The following RBFOX1 variants were observed in gnomAD, a reference collection of about 807,000 sequenced individuals.
RBFOX1 encodes the protein RNA binding fox-1 homolog 1.
A neutral mutation model predicts 57.7 loss-of-function variants in RBFOX1; 8 were observed. That is an observed-to-expected ratio of 0.14 (90% CI 0.08 to 0.25). RBFOX1 has a LOEUF of 0.25. RBFOX1 is among the 10% of genes least tolerant of loss of function. The pLI is 1.00. For missense variants in RBFOX1, 611 were observed against 548.5 expected, an observed-to-expected ratio of 1.11 and a Z score of -1.14; for synonymous variants, 326 against 222.4, an observed-to-expected ratio of 1.47 and a Z score of -4.15.
At chr16:5,936,928 T>C (rs2059179711) in intron 4 of RBFOX1, among the ~76,000 whole-genome samples, 1 of 152,182 alleles carries the variant, frequency 6.6e-6, no homozygotes, top group African/African-American at 2.4e-5. Context: ...CTCAAGGGAC[T>C]GTAGAGCACT....
chr16:7,286,051 C>T (rs1207342024), intron 4 of RBFOX1, among the ~76,000 whole-genome samples: 1 of 152,138 alleles, frequency 6.6e-6, no homozygotes, highest in South Asian at 2.1e-4. Context: ...ATACTGGGAA[C>T]ACTGTACAAT....
intron 1 of RBFOX1, among the ~76,000 whole-genome samples, chr16:5,423,263 G>C (rs917551569): frequency 1.3e-5 from 2 of 152,038 alleles, no homozygotes; most frequent in Non-Finnish European, 2.9e-5. Flanking sequence ...TCACTATCAG[G>C]AAAGTGACAT....
At chr16:5,753,933 C>A (rs1010937706) in intron 3 of RBFOX1, among the ~76,000 whole-genome samples, 1 of 152,042 alleles carries the variant, frequency 6.6e-6, no homozygotes, top group Non-Finnish European at 1.5e-5. Flanking sequence ...GTGTCCATCC[C>A]CCACTCCTCT....
chr16:6,843,469 A>G (rs1203874905), intron 3 of RBFOX1, among the ~76,000 whole-genome samples: 1 of 152,098 alleles, frequency 6.6e-6, no homozygotes, highest in Non-Finnish European at 1.5e-5. Flanking sequence ...CGGGCAGATC[A>G]CGAGGTCAGG....
intron 1 of RBFOX1, among the ~76,000 whole-genome samples, chr16:6,025,443 A>G (rs1039441733): frequency 5.9e-5 from 9 of 152,218 alleles, no homozygotes; most frequent in East Asian, 1.9e-4. Context: ...ATCTGTATAC[A>G]TTAGCCTACT....
intron 2 of RBFOX1, among the ~76,000 whole-genome samples, chr16:6,366,186 C>T (rs370571272): frequency 1.8e-4 from 27 of 150,774 alleles, no homozygotes; most frequent in East Asian, 7.8e-4. Flanking sequence ...AACATATGTA[C>T]GTATAAATAA....
chr16:5,748,350 T>A (rs2053065081), intron 3 of RBFOX1, among the ~76,000 whole-genome samples: 2 of 152,078 alleles, frequency 1.3e-5, no homozygotes, highest in Admixed American at 1.3e-4. Context: ...ATGTATATTC[T>A]GTTGATTTGG....
At chr16:5,423,283 C>T (rs895084578) in intron 1 of RBFOX1, among the ~76,000 whole-genome samples, 16 of 152,108 alleles carry the variant, frequency 1.1e-4, no homozygotes, top group South Asian at 4.1e-4. Flanking sequence ...TTGGTGCCAT[C>T]TGTTCACTAA....
intron 4 of RBFOX1, among the ~76,000 whole-genome samples, chr16:7,212,692 C>A (rs7200795): frequency 0.34 from 51,052 of 151,940 alleles, 8,911 homozygotes; most frequent in African/African-American, 0.42. Flanking sequence ...GAATAACTTA[C>A]GCTACATGAG....
chr16:6,689,962 G>C (rs1037492545), intron 3 of RBFOX1, among the ~76,000 whole-genome samples: 4 of 152,206 alleles, frequency 2.6e-5, no homozygotes, highest in Admixed American at 6.5e-5. Context: ...CTGTTCCCCA[G>C]AGTATAAGGG....
chr16:7,502,954 C>G (rs1057491838), intron 4 of RBFOX1, among the ~76,000 whole-genome samples: 5 of 152,116 alleles, frequency 3.3e-5, no homozygotes, highest in African/African-American at 1.2e-4. Context: ...ATCTGGGACA[C>G]TGAGGTTGCA....
chr16:5,827,089 A>T (rs932035397), intron 3 of RBFOX1, among the ~76,000 whole-genome samples: 1 of 152,144 alleles, frequency 6.6e-6, no homozygotes, highest in Non-Finnish European at 1.5e-5. Context: ...TCTTTCACAC[A>T]TGAGACCCTC....
intron 3 of RBFOX1, among the ~76,000 whole-genome samples, chr16:6,776,570 G>T (rs903150182): frequency 6.6e-6 from 1 of 150,886 alleles, no homozygotes; most frequent in Non-Finnish European, 1.5e-5. Context: ...GGTTGACACT[G>T]TTTGTTGGAT....
intron 4 of RBFOX1, among the ~76,000 whole-genome samples, chr16:5,991,838 G>T (rs1462962088): frequency 1.3e-5 from 2 of 151,914 alleles, no homozygotes; most frequent in Non-Finnish European, 2.9e-5. Flanking sequence ...CTGGTTGCAG[G>T]GCTGGGAAAT....
At chr16:6,758,164 G>A (rs1041560254) in intron 3 of RBFOX1, among the ~76,000 whole-genome samples, 23 of 152,042 alleles carry the variant, frequency 1.5e-4, no homozygotes, top group African/African-American at 5.6e-4. Context: ...TTCAGGTACT[G>A]TCCTCTTAAT....
At chr16:5,394,747 C>T (rs2066503951) in intron 1 of RBFOX1, among the ~76,000 whole-genome samples, 1 of 152,078 alleles carries the variant, frequency 6.6e-6, no homozygotes, top group Non-Finnish European at 1.5e-5. Flanking sequence ...TGGGGTCTCA[C>T]CATGTTGTCC....
intron 3 of RBFOX1, among the ~76,000 whole-genome samples, chr16:6,992,508 C>G (rs543413344): frequency 3.9e-5 from 6 of 152,254 alleles, no homozygotes; most frequent in South Asian, 2.1e-4. Context: ...GCTACTGCAT[C>G]CAGCCTAGCA....
At chr16:7,044,370 G>A (rs944351203) in intron 3 of RBFOX1, among the ~76,000 whole-genome samples, 1 of 152,162 alleles carries the variant, frequency 6.6e-6, no homozygotes, top group Non-Finnish European at 1.5e-5. Flanking sequence ...AATAAAGCAG[G>A]AAGAACTGAT....
chr16:6,083,851 G>A (rs1367775150), intron 1 of RBFOX1, among the ~76,000 whole-genome samples: 1 of 152,014 alleles, frequency 6.6e-6, no homozygotes, highest in African/African-American at 2.4e-5. Context: ...CTAACCCCGG[G>A]GGACACTGGC....
Sources: gnomAD v4.1 joint callset for allele counts (sites outside exome capture counted in the v4.1 genomes callset) on GRCh38, gnomAD v4.1.1 for gene constraint, MANE v1.5 for transcripts, NCBI Gene and HGNC (gene_info 2026-07-23, HGNC 2026-07-21) for gene names.